Variants in GSK3B observed in about 807,000 individuals in gnomAD.
GSK3B encodes the protein glycogen synthase kinase-3 beta.
In GSK3B, 15 loss-of-function variants were observed where a neutral mutation model predicts 56.4. The observed-to-expected ratio is 0.27, with a 90% CI of 0.18 to 0.41. The LOEUF is 0.41. Ranked by LOEUF, GSK3B falls within the 10% of genes least tolerant of loss-of-function variation. GSK3B has a pLI of 1.00. For synonymous variants in GSK3B, 181 were observed against 188.9 expected (o/e 0.96, Z 0.34); for missense variants, 300 against 513.4 (o/e 0.58, Z 4.02).
At chr3:119,848,628 T>C (rs375333916) in intron 9 of GSK3B, among the ~76,000 whole-genome samples, 52 of 152,246 alleles carry the variant, frequency 3.4e-4, no homozygotes, top group South Asian at 1.5e-3. Flanking sequence ...GCAAGGGAAA[T>C]TGTACTTTTA....
Position 120,018,531 on chromosome 3 carries a change from G to C in GSK3B, c.89-16292C>G, listed in dbSNP as rs181610509. ...ATAACACTACAGTTTAGACTGTGTA[G>C]TATTAAAAACTATACTATAGTCTTA... On this transcript the variant is annotated intron_variant, in intron 1 of 10. Coordinates refer to ENST00000264235, the MANE Select transcript of GSK3B (RefSeq NM_001146156.2). 1.6e-4 allele frequency among the ~76,000 whole-genome samples: 24 copies of C among 152,266 alleles called. No homozygotes were observed. In the East Asian group the frequency reaches 4.6e-3, roughly 29 times the overall value.
At chr3:119,980,180 A>G (rs528466373) in intron 2 of GSK3B, among the ~76,000 whole-genome samples, 4 of 152,178 alleles carry the variant, frequency 2.6e-5, no homozygotes, top group Non-Finnish European at 5.9e-5. Flanking sequence ...TTAATCTTTA[A>G]ATCTTACTGG....
chr3:119,992,196 C>A (rs1414860643), intron 2 of GSK3B, among the ~76,000 whole-genome samples: 1 of 151,956 alleles, frequency 6.6e-6, no homozygotes, highest in Non-Finnish European at 1.5e-5. Context: ...GGCATATTAA[C>A]CCTATCAGAC....
At chr3:120,037,944 T>C (rs1349368499) in intron 1 of GSK3B, among the ~76,000 whole-genome samples, 2 of 152,144 alleles carry the variant, frequency 1.3e-5, no homozygotes, top group African/African-American at 4.8e-5. Context: ...AAAAAATATA[T>C]AAAACATCTA....
chr3:119,919,138 A>C (rs1170942751), intron 4 of GSK3B, among the ~76,000 whole-genome samples: 1 of 152,228 alleles, frequency 6.6e-6, no homozygotes, highest in Non-Finnish European at 1.5e-5. Context: ...TCATCAGAAA[A>C]GCAAAGGTGC....
chr3:120,024,982 AAGAT>A (rs2057910916), intron 1 of GSK3B, among the ~76,000 whole-genome samples: 1 of 152,214 alleles, frequency 6.6e-6, no homozygotes, highest in Non-Finnish European at 1.5e-5. Flanking sequence ...CTATAGAAAG[AAGAT>A]AGACTCACTA....
chr3:119,829,090 G>A (rs1170191617), intron 10 of GSK3B, among the ~76,000 whole-genome samples: 3 of 152,148 alleles, frequency 2.0e-5, no homozygotes, highest in African/African-American at 7.2e-5. Flanking sequence ...CTTCATTCGT[G>A]ACTCCTGACC....
chr3:120,089,714 T>C (rs1278923948), intron 1 of GSK3B, among the ~76,000 whole-genome samples: 2 of 152,204 alleles, frequency 1.3e-5, no homozygotes, highest in Non-Finnish European at 2.9e-5. Flanking sequence ...CAATTGTATA[T>C]ACCAAAAGGA....
At chr3:120,091,382 T>C (rs1173104168) in intron 1 of GSK3B, among the ~76,000 whole-genome samples, 1 of 152,188 alleles carries the variant, frequency 6.6e-6, no homozygotes, top group Non-Finnish European at 1.5e-5. Flanking sequence ...AATTGACCTA[T>C]ATGGTAATCG....
Position 119,902,843 on chromosome 3 carries a change from T to C in GSK3B, c.813+2912A>G, listed in dbSNP as rs187477145. Among the ~76,000 whole-genome samples, 582 of 152,256 alleles carry C rather than the reference T, an allele frequency of 3.8e-3. 10 individuals are homozygous for C. Among genetic ancestry groups the C allele is most frequent in the South Asian group, 0.036 (172 of 4,810 alleles). On this transcript the variant is annotated intron_variant, in intron 7 of 10. Coordinates refer to ENST00000264235, the MANE Select transcript of GSK3B (RefSeq NM_001146156.2). ...TACCCTCCCACTTCAGGCTCCCAAG[T>C]AGCTGGGGCTACAGGCATGTGCCAC...
chr3:119,910,914 GA>G (rs1289774656), intron 6 of GSK3B, among the ~76,000 whole-genome samples: 1 of 152,172 alleles, frequency 6.6e-6, no homozygotes, highest in Non-Finnish European at 1.5e-5. Context: ...GTTTCATCAT[GA>G]GATTGCAGCA....
intron 7 of GSK3B, among the ~76,000 whole-genome samples, chr3:119,892,995 T>C (rs966772452): frequency 1.3e-5 from 2 of 152,102 alleles, no homozygotes; most frequent in East Asian, 1.9e-4. Flanking sequence ...GGCATTTTCC[T>C]ACAATTTACA....
intron 10 of GSK3B, among the ~76,000 whole-genome samples, chr3:119,828,579 T>G (rs1461193771): frequency 2.0e-5 from 3 of 152,142 alleles, no homozygotes; most frequent in South Asian, 4.1e-4. Context: ...CTATGGTGAG[T>G]AGAATAACCA....
intron 1 of GSK3B, among the ~76,000 whole-genome samples, chr3:120,087,531 C>CA (rs796814551): frequency 0.025 from 3,100 of 125,994 alleles, 95 homozygotes; most frequent in African/African-American, 0.081. Context: ...GACTCCATCT[C>CA]AAAAAAAAAA....
chr3:119,923,648 T>C (rs1273640733), intron 3 of GSK3B, among the ~76,000 whole-genome samples, 165 bp from the exon 4 acceptor site: 5 of 152,172 alleles, frequency 3.3e-5, no homozygotes, highest in African/African-American at 9.7e-5. Context: ...ACCATAATAA[T>C]AAAACAAGTC....
chr3:119,933,489 T>A (rs2056966420), intron 3 of GSK3B, among the ~76,000 whole-genome samples: 1 of 152,164 alleles, frequency 6.6e-6, no homozygotes. Context: ...AGCAAGAAAT[T>A]AAAAACACAT....
intron 10 of GSK3B, among the ~76,000 whole-genome samples, chr3:119,834,288 A>C (rs2055654139): frequency 6.6e-6 from 1 of 152,238 alleles, no homozygotes; most frequent in East Asian, 1.9e-4. Context: ...TTAACAAACA[A>C]GATAATTACT....
At chr3:119,927,474 A>G (rs981680592) in intron 3 of GSK3B, among the ~76,000 whole-genome samples, 3 of 152,166 alleles carry the variant, frequency 2.0e-5, no homozygotes, top group African/African-American at 7.2e-5. Context: ...CATGAGACTA[A>G]TAGAGAATCC....
intron 10 of GSK3B, among the ~76,000 whole-genome samples, chr3:119,830,428 T>C (rs1038311581): frequency 5.9e-5 from 9 of 152,356 alleles, no homozygotes; most frequent in African/African-American, 2.2e-4. Flanking sequence ...TTCCGATAAA[T>C]TGTCATTGGA....
Sources: gnomAD v4.1 joint callset for allele counts (sites outside exome capture counted in the v4.1 genomes callset) on GRCh38, gnomAD v4.1.1 for gene constraint, MANE v1.5 for transcripts, NCBI Gene and HGNC (gene_info 2026-07-23, HGNC 2026-07-21) for gene names.